ITPR3: variants seen among roughly 807,000 people sequenced by gnomAD.
ITPR3 encodes inositol 1,4,5-trisphosphate receptor type 3.
ITPR3 carries 173 observed loss-of-function variants against 293.2 expected under a neutral mutation model. The ratio of observed to expected loss-of-function variants is 0.59; its 90% CI spans 0.52 to 0.67. The LOEUF (loss-of-function observed/expected upper bound fraction) is 0.67, where lower values mean the gene tolerates loss of function less well. ITPR3 is among the 30% of genes least tolerant of loss of function. The pLI is 0.00. For missense variants in ITPR3, 2,796 were observed against 3,592.1 expected (o/e 0.78, Z 5.66); for synonymous variants, 1,295 against 1,444.4 (o/e 0.90, Z 2.35).
intron 28 of ITPR3, 84 bp from the exon 29 acceptor site, chr6:33,678,337 A>C (rs187047570): frequency 6.4e-7 from 1 of 1,559,420 alleles, no homozygotes; most frequent in Non-Finnish European, 8.7e-7. Context: ...AGCCCGACCC[A>C]CCCCTGCTCC....
chr6:33,690,241 G>T, intron 51 of ITPR3, 43 bp downstream of exon 51: 2 of 1,562,206 alleles, frequency 1.3e-6, no homozygotes, highest in Non-Finnish European at 1.8e-6. Flanking sequence ...GGGGCATGGG[G>T]TGGTTGGGGC....
At chr6:33,642,800 G>A (rs1268860785) in intron 2 of ITPR3, among the ~76,000 whole-genome samples, 1 of 152,110 alleles carries the variant, frequency 6.6e-6, no homozygotes, top group African/African-American at 2.4e-5. Context: ...GCAAAGTGAT[G>A]TGGAAGAGAA....
chr6:33,688,506 C>T (rs942488523), intron 48 of ITPR3, 75 bp downstream of exon 48: 2 of 1,497,316 alleles, frequency 1.3e-6, no homozygotes, highest in Non-Finnish European at 1.8e-6. Context: ...GCCTCCTTTG[C>T]CTGCCTGTGG....
In ITPR3 at chr6:33,669,118, C is replaced by A. The variant is rs376933400; in HGVS notation, c.2151C>A (p.Ala717=). ...GGCAGCTGGCCCAGGAGGCGCGGGC[C>A]GGCAACGCCCACGACGAGAATGTGC... is the stretch of plus-strand genomic sequence containing the variant. The part of the protein sequence containing the change: ...SVRQLAQEAR[A]GNAHDENVLS... The change falls in exon 18 of 58, where the codon GCC becomes GCA. Residue 717 remains alanine, a synonymous_variant. Coordinates refer to ENST00000605930, the MANE Select transcript of ITPR3 (RefSeq NM_002224.4). 1 of 1,614,000 alleles carries A rather than the reference C, an allele frequency of 6.2e-7. No individual in the cohort carries two copies. The highest frequency in any genetic ancestry group is 2.2e-5 in the East Asian group (1 of 44,890).
chr6:33,663,571 C>G lies in ITPR3; in HGVS notation c.1005+21C>G, dbSNP rs547476112. Reference sequence around the variant, plus strand: ...GAATGGTGAGGAGCAAAGCAGGTCTCCAGTGAGACCATGGGCCTGCCCTGG... The same window carrying G: ...GAATGGTGAGGAGCAAAGCAGGTCTGCAGTGAGACCATGGGCCTGCCCTGG... On this transcript the variant is annotated intron_variant, in intron 10 of 57. Transcript: ENST00000605930. 1.8e-5 allele frequency: 29 copies of G among 1,603,250 alleles called. 2 individuals are homozygous for G. The South Asian group carries it at 2.9e-4, about 16-fold the overall frequency.
rs1251501366 is a variant in ITPR3 at position 33,679,025 on chromosome 6, G to GC, written c.3972+188dup. ...AGATGTGGTAGAACTCAGCCTGTGG[G>GC]CCTGATAGAACTCAAGCAGGGTCCC... On this transcript the variant is annotated intron_variant, in intron 30 of 57. Transcript: ENST00000605930. This position sits in a 1 kb window ranked among gnomAD's most constrained non-coding sequence, Gnocchi z 4.2. Among the ~76,000 whole-genome samples the GC allele has an allele frequency of 6.6e-6, 1 of 152,234 alleles. No homozygotes were observed. The highest frequency in any genetic ancestry group is 1.9e-4 in the East Asian group (1 of 5,206).
chr6:33,689,677 G>A (rs113880646), intron 50 of ITPR3, among the ~76,000 whole-genome samples: 3,611 of 152,330 alleles, frequency 0.024, 111 homozygotes, highest in African/African-American at 0.077. Context: ...CACACTGTGC[G>A]GGCTGTGCAC....
chr6:33,694,702 A>AATT, intron 56 of ITPR3: 1 of 554,934 alleles, frequency 1.8e-6, no homozygotes, highest in South Asian at 2.3e-5. Flanking sequence ...GCCTAACGGA[A>AATT]GTCAGCCTGT....
chr6:33,636,338 G>A (rs759728458), intron 1 of ITPR3, among the ~76,000 whole-genome samples: 2 of 151,864 alleles, frequency 1.3e-5, no homozygotes, highest in African/African-American at 4.8e-5. Flanking sequence ...CCCTGCTTCT[G>A]TGTGGGAAAT....
In ITPR3 at chr6:33,662,588, A is replaced by G; in HGVS notation, c.772A>G (p.Lys258Glu). The change falls in exon 8 of 58, where the codon AAG (lysine) becomes GAG (glutamate). Residue 258 changes from lysine to glutamate, a missense_variant. Lys to Glu is a moderately conservative substitution (Grantham distance 56). Transcript: ENST00000605930. ...GAAGTTCCTGACGTGTGACGAGTAC[A>G]AGGGCAAGCTGCAGGTGTTCCTGCG... is the stretch of plus-strand genomic sequence containing the variant. ...QEKFLTCDEY[K>E]GKLQVFLRTT... 6.8e-6 allele frequency: 11 copies of G among 1,612,270 alleles called. No individual in the cohort carries two copies. The highest frequency in any genetic ancestry group is 6.8e-6 in the Non-Finnish European group (8 of 1,179,794).
intron 1 of ITPR3, among the ~76,000 whole-genome samples, chr6:33,634,715 T>G (rs1763777470): frequency 6.6e-6 from 1 of 151,992 alleles, no homozygotes; most frequent in South Asian, 2.1e-4. Flanking sequence ...TGTGCCAGCG[T>G]GGGCTCGGAC....
chr6:33,623,755 G>T (rs1763494412), intron 1 of ITPR3, among the ~76,000 whole-genome samples: 1 of 152,250 alleles, frequency 6.6e-6, no homozygotes, highest in Non-Finnish European at 1.5e-5. Flanking sequence ...CCTGCCCCAG[G>T]AACTGCTTCC....
Position 33,683,370 on chromosome 6 carries a change from C to T in ITPR3, c.4761C>T (p.Asp1587=). ...PRVTPTANQW[D]YKNIIEKLQD... Reference sequence around the variant, plus strand: ...TCACCCCCACCGCCAACCAGTGGGACTACAAGAACATCATTGAGAAGCTGC... The same window carrying T: ...TCACCCCCACCGCCAACCAGTGGGATTACAAGAACATCATTGAGAAGCTGC... Residue 1587 remains aspartate (D), a synonymous_variant, in exon 35 of 58, where the codon GAC becomes GAT. Transcript: ENST00000605930. This position sits in a 1 kb window ranked among gnomAD's most constrained non-coding sequence, Gnocchi z 4.5. The T allele has an allele frequency of 6.3e-7, 1 of 1,589,646 alleles. No individual in the cohort carries two copies. The highest frequency in any genetic ancestry group is 8.6e-7 in the Non-Finnish European group (1 of 1,167,160).
At position 33,665,077 on chromosome 6, in the gene ITPR3, G is replaced by T. The variant is rs760918303; in HGVS notation, c.1273G>T (p.Asp425Tyr). ...GCTGGGCACCTGCCCCACCAAGGAG[G>T]ACAAGGAGGCCTTTGCCATCGTGTC... ...LMLGTCPTKEDKEAFAIVSVP... is the reference protein window; with the variant it reads ...LMLGTCPTKEYKEAFAIVSVP... The change falls in exon 13 of 58, where the codon GAC becomes TAC. Residue 425 changes from aspartate to tyrosine, a missense_variant. Asp to Tyr is a radical substitution (Grantham distance 160). Transcript: ENST00000605930. The T allele has an allele frequency of 1.2e-6, 2 of 1,614,036 alleles. No homozygotes were observed. The highest frequency in any genetic ancestry group is 1.7e-6 in the Non-Finnish European group (2 of 1,180,030).
chr6:33,679,672 A>G lies in ITPR3; in HGVS notation c.3973-210A>G, dbSNP rs1765013681. Among the ~76,000 whole-genome samples, 1 of 151,884 alleles carries G rather than the reference A, an allele frequency of 6.6e-6. No homozygotes were observed. Among genetic ancestry groups the G allele is most frequent in the Non-Finnish European group, 1.5e-5 (1 of 67,970 alleles). On this transcript the variant is annotated intron_variant, in intron 30 of 57. Coordinates refer to ENST00000605930, the MANE Select transcript of ITPR3 (RefSeq NM_002224.4). This position sits in a 1 kb window ranked among gnomAD's most constrained non-coding sequence, Gnocchi z 4.2. ...TTCTTTCCAGTGGGGAGAAGCGGGG[A>G]CTTTCTGGGTCATGGGGTCAATATC...
At position 33,655,926 on chromosome 6, in the gene ITPR3, A is replaced by C. The variant is rs367604676; in HGVS notation, c.282+39A>C. On this transcript the variant is annotated intron_variant, in intron 3 of 57. Transcript: ENST00000605930. The surrounding 1 kb of genome is among the most constrained non-coding windows in gnomAD (Gnocchi z 4.9). ...TGCAGGCGTGCATCTGTGCACATGT[A>C]CCAGGAACCTGGGTACACAAGCAGC... The C allele has an allele frequency of 7.4e-6, 12 of 1,611,564 alleles. No homozygotes were observed. Among genetic ancestry groups the C allele is most frequent in the African/African-American group, 1.3e-5 (1 of 74,858 alleles).
chr6:33,680,701 C>T (rs1210599604), intron 33 of ITPR3, 21 bp downstream of exon 33: 2 of 1,597,658 alleles, frequency 1.3e-6, no homozygotes, highest in Non-Finnish European at 1.7e-6. Context: ...CCTCTCCCAC[C>T]ACCCCAGGGC....
rs4713644 is a variant in ITPR3, at chr6:33,632,237, T to C, written c.90-8247T>C. Among the ~76,000 whole-genome samples the C allele has an allele frequency of 0.7, 98,537 of 141,582 alleles. 34,289 individuals are homozygous for C. The highest frequency in any genetic ancestry group is 0.77 in the African/African-American group (29,148 of 37,872). The allele number at this position is 141,582 out of a possible 152,430, so 92.9% of individuals were successfully genotyped here. ...TTTCTCATCCACAGCTGAATGGGGGTGGGGGGAGGGTTGTTCAGGGTCCCT... is the reference window on the plus strand; with the variant it reads ...TTTCTCATCCACAGCTGAATGGGGGCGGGGGGAGGGTTGTTCAGGGTCCCT... On this transcript the variant is annotated intron_variant, in intron 1 of 57. Coordinates refer to ENST00000605930, the MANE Select transcript of ITPR3 (RefSeq NM_002224.4). The surrounding 1 kb of genome is among the most constrained non-coding windows in gnomAD (Gnocchi z 4.1).
At chr6:33,665,492 C>T (rs1356111399) in intron 13 of ITPR3, among the ~76,000 whole-genome samples, 1 of 152,174 alleles carries the variant, frequency 6.6e-6, no homozygotes. Flanking sequence ...ACGAGACTTG[C>T]TCGGGGTCAC....
Sources: allele counts gnomAD v4.1 joint callset (sites outside exome capture counted in the v4.1 genomes callset), GRCh38; gene constraint gnomAD v4.1.1; non-coding constraint Gnocchi (gnomAD v3.1); transcripts MANE v1.5; gene names NCBI Gene and HGNC (gene_info 2026-07-23, HGNC 2026-07-21).